SLC35F1: variants seen among roughly 807,000 people sequenced by gnomAD.
The protein encoded by SLC35F1 is chromosome 6 open reading frame 169.
In SLC35F1, 14 loss-of-function variants were observed where a neutral mutation model predicts 48.7. The observed-to-expected ratio is 0.29, with a 90% CI of 0.19 to 0.45. SLC35F1 has a LOEUF of 0.45. SLC35F1 is among the 20% of genes least tolerant of loss of function. The probability of loss-of-function intolerance (pLI) is 1.00; values close to 1 mark genes in which losing one functional copy is unlikely to be tolerated. For synonymous variants in SLC35F1, 190 were observed against 202.2 expected (o/e 0.94, Z 0.51); for missense variants, 404 against 500.0 (o/e 0.81, Z 1.83).
intron 1 of SLC35F1, among the ~76,000 whole-genome samples, chr6:118,029,785 AT>A (rs948561165): frequency 5.3e-5 from 8 of 152,078 alleles, no homozygotes; most frequent in South Asian, 2.1e-4. Context: ...AAAAGTATGA[AT>A]TTTTTTTTCC....
intron 1 of SLC35F1, among the ~76,000 whole-genome samples, chr6:118,097,288 C>T (rs1459097089): frequency 6.6e-6 from 1 of 152,188 alleles, no homozygotes; most frequent in African/African-American, 2.4e-5. Context: ...ATTATACTCC[C>T]TTCAGTATAG....
intron 1 of SLC35F1, among the ~76,000 whole-genome samples, chr6:118,151,435 G>A (rs772011541): frequency 2.6e-5 from 4 of 152,148 alleles, no homozygotes; most frequent in Non-Finnish European, 5.9e-5. Context: ...CCTAAAATAT[G>A]TATTGTTTCT....
At position 118,224,210 on chromosome 6, in the gene SLC35F1, C is replaced by T. The variant is rs73766478; in HGVS notation, c.350-11299C>T. Among the ~76,000 whole-genome samples the T allele has an allele frequency of 9.0e-3, 1,378 of 152,276 alleles. 23 individuals are homozygous for T. Among genetic ancestry groups the T allele is most frequent in the African/African-American group, 0.032 (1,326 of 41,558 alleles). ...ATTTCAAATCAAAGCATCCACCCCA[C>T]GTATAGCCAAGCTATCATTAACCAT... On this transcript the variant is annotated intron_variant, in intron 2 of 7. Coordinates refer to ENST00000360388, the MANE Select transcript of SLC35F1 (RefSeq NM_001029858.4).
intron 1 of SLC35F1, among the ~76,000 whole-genome samples, chr6:118,048,138 A>G (rs980050896): frequency 6.6e-6 from 1 of 152,182 alleles, no homozygotes; most frequent in African/African-American, 2.4e-5. Context: ...TATTGAGATA[A>G]TCATGTGGTT....
At chr6:117,936,903 C>A (rs2114816564) in intron 1 of SLC35F1, among the ~76,000 whole-genome samples, 1 of 152,186 alleles carries the variant, frequency 6.6e-6, no homozygotes, top group South Asian at 2.1e-4. Flanking sequence ...TACTGTTTTA[C>A]TTACTGTATG....
In SLC35F1 at chr6:118,290,798, A is replaced by AT. The variant is rs67467513; in HGVS notation, c.1002+5473dup. Among the ~76,000 whole-genome samples the AT allele has an allele frequency of 1.5e-3, 210 of 142,384 alleles. 5 individuals carry two copies. The highest frequency in any genetic ancestry group is 4.1e-3 in the African/African-American group (156 of 38,196). The allele number at this position is 142,384 out of a possible 152,430, so 93.4% of individuals were successfully genotyped here. ...GATGGGCTATCTCAGAAAATCGACT[A>AT]TTTTTTTTTTTTTCGAGACAGAGTC... On this transcript the variant is annotated intron_variant, in intron 7 of 7. Coordinates refer to ENST00000360388, the MANE Select transcript of SLC35F1 (RefSeq NM_001029858.4).
chr6:118,176,147 C>T (rs1043029521), intron 2 of SLC35F1, among the ~76,000 whole-genome samples: 12 of 152,022 alleles, frequency 7.9e-5, no homozygotes, highest in Non-Finnish European at 1.6e-4. Context: ...TAGTTCTCTA[C>T]CCCATGGAAT....
chr6:118,004,722 T>C, intron 1 of SLC35F1, among the ~76,000 whole-genome samples: 1 of 152,016 alleles, frequency 6.6e-6, no homozygotes, highest in South Asian at 2.1e-4. Flanking sequence ...CCACCAAGCC[T>C]GGCTCATTTT....
chr6:118,286,473 G>A (rs1472047259), intron 7 of SLC35F1, among the ~76,000 whole-genome samples: 1 of 152,182 alleles, frequency 6.6e-6, no homozygotes, highest in Non-Finnish European at 1.5e-5. Context: ...TCATAGCCAA[G>A]AAACCGATGC....
At chr6:118,109,533 G>C (rs1273097681) in intron 1 of SLC35F1, among the ~76,000 whole-genome samples, 2 of 152,094 alleles carry the variant, frequency 1.3e-5, no homozygotes, top group Non-Finnish European at 2.9e-5. Flanking sequence ...TTCAGCTTCA[G>C]TTGTATATGA....
chr6:118,027,683 C>A (rs1225878691), intron 1 of SLC35F1, among the ~76,000 whole-genome samples: 1 of 151,970 alleles, frequency 6.6e-6, no homozygotes, highest in Admixed American at 6.6e-5. Context: ...ATTGTAAGAG[C>A]TCTTCATATA....
intron 1 of SLC35F1, among the ~76,000 whole-genome samples, chr6:118,114,039 CAAAT>C (rs553419577): frequency 3.2e-4 from 48 of 152,252 alleles, no homozygotes; most frequent in African/African-American, 1.2e-3. Context: ...CTAGCTAACT[CAAAT>C]AAAGCCCTTC....
chr6:118,290,335 G>C (rs936213296), intron 7 of SLC35F1, among the ~76,000 whole-genome samples: 1 of 151,910 alleles, frequency 6.6e-6, no homozygotes, highest in African/African-American at 2.4e-5. Flanking sequence ...CACAGAAGCA[G>C]TACATGCAAA....
intron 3 of SLC35F1, among the ~76,000 whole-genome samples, chr6:118,262,482 T>C (rs1482007810): frequency 6.6e-6 from 1 of 152,226 alleles, no homozygotes; most frequent in African/African-American, 2.4e-5. Flanking sequence ...ATTTTAGTGC[T>C]ACTTAATGTT....
At chr6:118,173,804 G>A (rs1395050605) in intron 2 of SLC35F1, among the ~76,000 whole-genome samples, 1 of 152,158 alleles carries the variant, frequency 6.6e-6, no homozygotes, top group Non-Finnish European at 1.5e-5. Context: ...CCCTGGTACA[G>A]GACTGGAGAG....
intron 2 of SLC35F1, among the ~76,000 whole-genome samples, chr6:118,178,448 A>G (rs1330646748): frequency 6.6e-6 from 1 of 152,186 alleles, no homozygotes; most frequent in South Asian, 2.1e-4. Context: ...AGTAAATGTT[A>G]TTTCTTTAAC....
At chr6:117,925,650 A>T (rs1173906853) in intron 1 of SLC35F1, among the ~76,000 whole-genome samples, 1 of 152,158 alleles carries the variant, frequency 6.6e-6, no homozygotes, top group Non-Finnish European at 1.5e-5. Flanking sequence ...TGACCTTTGA[A>T]TACAGTTCAG....
At chr6:117,984,981 ACTT>A (rs1263753999) in intron 1 of SLC35F1, among the ~76,000 whole-genome samples, 1 of 152,296 alleles carries the variant, frequency 6.6e-6, no homozygotes, top group South Asian at 2.1e-4. Flanking sequence ...CTTCTACACT[ACTT>A]CTTAATTCTT....
chr6:118,039,803 T>TTTTTTTG (rs1562271559), intron 1 of SLC35F1, among the ~76,000 whole-genome samples: 2 of 145,888 alleles, frequency 1.4e-5, no homozygotes, highest in African/African-American at 5.0e-5. Context: ...AGGATTGTTT[T>TTTTTTTG]TTTTGTTTTT....
Sources: gnomAD v4.1 joint callset for allele counts (sites outside exome capture counted in the v4.1 genomes callset) on GRCh38, gnomAD v4.1.1 for gene constraint, MANE v1.5 for transcripts, NCBI Gene and HGNC (gene_info 2026-07-23, HGNC 2026-07-21) for gene names.